The following ANO4 variants were observed in gnomAD, a reference collection of about 807,000 sequenced individuals.
ANO4 encodes the protein anoctamin-4.
ANO4 carries 69 observed loss-of-function variants against 141.9 expected under a neutral mutation model. That is an observed-to-expected ratio of 0.49 (90% CI 0.40 to 0.59). The LOEUF (loss-of-function observed/expected upper bound fraction) is 0.59. ANO4 is among the 20% of genes least tolerant of loss of function. ANO4 has a pLI of 0.00. For missense variants in ANO4, 894 were observed against 1,162.2 expected, an observed-to-expected ratio of 0.77 and a Z score of 3.36; for synonymous variants, 350 against 394.3, an observed-to-expected ratio of 0.89 and a Z score of 1.33.
chr12:101,032,813 AAAC>A (rs2047030111), intron 9 of ANO4, among the ~76,000 whole-genome samples: 1 of 151,508 alleles, frequency 6.6e-6, no homozygotes, highest in African/African-American at 2.4e-5. Context: ...AAAAGTCAGG[AAAC>A]AACAGGTGCT....
At chr12:101,044,484 G>A (rs1461669213) in intron 13 of ANO4, among the ~76,000 whole-genome samples, 1 of 152,208 alleles carries the variant, frequency 6.6e-6, no homozygotes. Context: ...GTTTGAGTTT[G>A]CGAAGACTTT....
intron 1 of ANO4, among the ~76,000 whole-genome samples, chr12:100,869,523 C>T (rs931454493): frequency 6.6e-6 from 1 of 152,206 alleles, no homozygotes; most frequent in African/African-American, 2.4e-5. Flanking sequence ...TGATCGCAAT[C>T]CAGTTATCAG....
At chr12:100,907,660 T>C (rs2040907478) in intron 2 of ANO4, among the ~76,000 whole-genome samples, 1 of 152,234 alleles carries the variant, frequency 6.6e-6, no homozygotes, top group South Asian at 2.1e-4. Flanking sequence ...TCTGAAGTTA[T>C]ATGGCGTAAA....
chr12:100,898,678 C>T (rs1056249948), intron 1 of ANO4, among the ~76,000 whole-genome samples: 19 of 152,092 alleles, frequency 1.2e-4, no homozygotes, highest in Admixed American at 2.0e-4. Flanking sequence ...TTCTCATTTA[C>T]GTCATTTTGT....
At chr12:101,080,195 T>C (rs1457219942) in intron 15 of ANO4, among the ~76,000 whole-genome samples, 2 of 152,232 alleles carry the variant, frequency 1.3e-5, no homozygotes, top group Non-Finnish European at 2.9e-5. Context: ...AAAAGAATCT[T>C]TCAGAAATAT....
intron 24 of ANO4, among the ~76,000 whole-genome samples, chr12:101,115,792 T>G (rs2050828127): frequency 6.6e-6 from 1 of 152,200 alleles, no homozygotes; most frequent in Admixed American, 6.5e-5. Flanking sequence ...TGATTTTATC[T>G]ACCCATTCAA....
At chr12:100,719,337 G>A (rs2030757004) in intron 1 of ANO4, among the ~76,000 whole-genome samples, 1 of 152,122 alleles carries the variant, frequency 6.6e-6, no homozygotes, top group Non-Finnish European at 1.5e-5. Flanking sequence ...TAGTCCATCA[G>A]GGTTTTCAAC....
intron 15 of ANO4, 29 bp from the exon 16 acceptor site, chr12:101,083,649 G>T: frequency 6.3e-7 from 1 of 1,593,192 alleles, no homozygotes; most frequent in Middle Eastern, 1.7e-4. Flanking sequence ...CCTCTTTAGT[G>T]CATTAAAATG....
chr12:101,027,628 A>T (rs1245215404), intron 9 of ANO4, among the ~76,000 whole-genome samples: 1 of 152,110 alleles, frequency 6.6e-6, no homozygotes, highest in Non-Finnish European at 1.5e-5. Context: ...GCACTGACAT[A>T]TCCTTCCTCA....
intron 5 of ANO4, among the ~76,000 whole-genome samples, chr12:100,968,487 C>T (rs189231653): frequency 5.7e-4 from 86 of 152,034 alleles, no homozygotes; most frequent in South Asian, 1.5e-3. Flanking sequence ...ATAGTGTCTT[C>T]GGTGTTGCCC....
chr12:100,833,062 G>GCAA (rs2135780597), intron 1 of ANO4, among the ~76,000 whole-genome samples: 1 of 152,096 alleles, frequency 6.6e-6, no homozygotes, highest in South Asian at 2.1e-4. Context: ...GCTTATTTTC[G>GCAA]CAACGTATTT....
rs535344028 is a variant in ANO4, at chr12:101,012,172, A to T, written c.735-7862A>T. ...GTTCTCTATGGGAATCACATGATTT[A>T]CTTATTTACTTGGGGCCTAGAGTAG... On this transcript the variant is annotated intron_variant, in intron 8 of 27. Coordinates refer to ENST00000392977, the MANE Select transcript of ANO4 (RefSeq NM_001286615.2). Among the ~76,000 whole-genome samples the T allele has an allele frequency of 1.4e-4, 21 of 152,254 alleles. No homozygotes were observed. The South Asian group carries it at 3.9e-3, about 29-fold the overall frequency.
intron 1 of ANO4, among the ~76,000 whole-genome samples, chr12:100,867,684 G>T (rs2038821777): frequency 6.6e-6 from 1 of 152,036 alleles, no homozygotes; most frequent in Non-Finnish European, 1.5e-5. Context: ...GCCCAGTCAG[G>T]TTGACACATA....
chr12:100,924,961 G>T (rs941530272), intron 3 of ANO4, among the ~76,000 whole-genome samples: 1 of 152,088 alleles, frequency 6.6e-6, no homozygotes, highest in African/African-American at 2.4e-5. Flanking sequence ...CTATGAACAG[G>T]TAGAGGAGTA....
At chr12:100,762,473 A>T (rs1020545998) in intron 3 of ANO4, among the ~76,000 whole-genome samples, 54 of 152,158 alleles carry the variant, frequency 3.5e-4, no homozygotes, top group Non-Finnish European at 2.9e-5. Context: ...TTTTGACTAG[A>T]CTACCTTTTC....
chr12:101,011,291 G>A (rs989279900), intron 8 of ANO4, among the ~76,000 whole-genome samples: 1 of 149,008 alleles, frequency 6.7e-6, no homozygotes, highest in Non-Finnish European at 1.5e-5. Flanking sequence ...TGTATATACA[G>A]ACATAGGAGG....
At chr12:101,111,240 C>G (rs756129673) in intron 23 of ANO4, among the ~76,000 whole-genome samples, 2 of 152,166 alleles carry the variant, frequency 1.3e-5, no homozygotes, top group African/African-American at 4.8e-5. Context: ...AAATCCATAC[C>G]CTTAAGGAGC....
At chr12:101,095,103 T>C (rs2049927753) in intron 18 of ANO4, among the ~76,000 whole-genome samples, 1 of 152,228 alleles carries the variant, frequency 6.6e-6, no homozygotes, top group Admixed American at 6.5e-5. Context: ...CTTGCTTTAA[T>C]GCATTCCATA....
intron 15 of ANO4, among the ~76,000 whole-genome samples, chr12:101,080,651 AC>A (rs1216052077): frequency 6.6e-6 from 1 of 151,100 alleles, no homozygotes; most frequent in Non-Finnish European, 1.5e-5. Flanking sequence ...ATATGGTGAA[AC>A]CCCATCACTA....
Sources: allele counts gnomAD v4.1 joint callset (sites outside exome capture counted in the v4.1 genomes callset), GRCh38; gene constraint gnomAD v4.1.1; transcripts MANE v1.5; gene names NCBI Gene and HGNC (gene_info 2026-07-23, HGNC 2026-07-21).